The following ADAM2 variants were observed in gnomAD, a reference collection of about 807,000 sequenced individuals.
ADAM2 encodes ADAM metallopeptidase domain 2, also known as disintegrin and metalloproteinase domain-containing protein 2.
ADAM2 carries 101 observed loss-of-function variants against 99.3 expected under a neutral mutation model. The observed-to-expected ratio is 1.02, with a 90% CI of 0.87 to 1.20. The LOEUF is 1.20. Ranked by LOEUF, ADAM2 falls within the 50% of genes most tolerant of loss-of-function variation. ADAM2 has a pLI of 0.00. For missense variants in ADAM2, 948 were observed against 878.7 expected, an observed-to-expected ratio of 1.08 and a Z score of -1.00; for synonymous variants, 323 against 287.6, an observed-to-expected ratio of 1.12 and a Z score of -1.25.
intron 18 of ADAM2, among the ~76,000 whole-genome samples, chr8:39,747,512 A>G (rs1250408114): frequency 6.6e-6 from 1 of 152,138 alleles, no homozygotes; most frequent in African/African-American, 2.4e-5. Context: ...AGATATATCA[A>G]CTTAAGTTTT....
intron 7 of ADAM2, among the ~76,000 whole-genome samples, chr8:39,793,065 C>T (rs1480346885): frequency 6.6e-6 from 1 of 152,076 alleles, no homozygotes; most frequent in Non-Finnish European, 1.5e-5. Flanking sequence ...GGACTAAAAT[C>T]ATAGAAACTC....
Position 39,767,010 on chromosome 8 carries a change from A to C in ADAM2, c.1345T>G (p.Phe449Val). 1 of 1,614,162 alleles carries C rather than the reference A, an allele frequency of 6.2e-7. No individual in the cohort carries two copies. Among genetic ancestry groups the C allele is most frequent in the African/African-American group, 1.3e-5 (1 of 75,042 alleles). Reference protein sequence around the residue: ...MSKERMCRPSFEECDLPEYCN... With the variant: ...MSKERMCRPSVEECDLPEYCN... ...TATTCAGGGAGGTCGCATTCTTCAAAGGAAGGCCTACACATTCTTTCTTTT... is the reference window on the plus strand; with the variant it reads ...TATTCAGGGAGGTCGCATTCTTCAACGGAAGGCCTACACATTCTTTCTTTT... The change falls in exon 14 of 21, where the codon TTT becomes GTT. Residue 449 changes from phenylalanine to valine, a missense_variant. Transcript: ENST00000265708.
At chr8:39,783,635 G>A (rs1167142190) in intron 10 of ADAM2, among the ~76,000 whole-genome samples, 2 of 152,032 alleles carry the variant, frequency 1.3e-5, no homozygotes, top group Non-Finnish European at 2.9e-5. Flanking sequence ...TGTAACCCTT[G>A]AATATATATG....
rs149128202 is a variant in ADAM2, at chr8:39,767,458, G to T, written c.1213-207C>A. 4.9e-3 allele frequency among the ~76,000 whole-genome samples: 751 copies of T among 152,248 alleles called. 3 individuals are homozygous for T. Among genetic ancestry groups the T allele is most frequent in the African/African-American group, 0.017 (716 of 41,562 alleles). Reference sequence around the variant, plus strand: ...TGCCAGACCATGTGTTGCTCATATTGCTATAATAGGTTTGGTTACACTGAT... The same window carrying T: ...TGCCAGACCATGTGTTGCTCATATTTCTATAATAGGTTTGGTTACACTGAT... On this transcript the variant is annotated intron_variant, in intron 12 of 20. Transcript: ENST00000265708.
chr8:39,805,025 A>G (rs1174229540), intron 7 of ADAM2, among the ~76,000 whole-genome samples: 1 of 152,196 alleles, frequency 6.6e-6, no homozygotes, highest in African/African-American at 2.4e-5. Context: ...AGGTTGGAAC[A>G]TTCAAGATCA....
chr8:39,825,763 G>T (rs62511207), intron 3 of ADAM2, among the ~76,000 whole-genome samples: 11,426 of 151,634 alleles, frequency 0.075, 475 homozygotes, highest in Non-Finnish European at 0.093. Context: ...CAATAGAAAA[G>T]GAAAAAAAAG....
At chr8:39,800,657 T>A (rs13274108) in intron 7 of ADAM2, among the ~76,000 whole-genome samples, 11 of 152,336 alleles carry the variant, frequency 7.2e-5, no homozygotes, top group African/African-American at 2.4e-4. Flanking sequence ...CTCCTTCTGA[T>A]ACTCCAATCA....
chr8:39,804,839 T>G (rs1233903260), intron 7 of ADAM2, among the ~76,000 whole-genome samples: 1 of 152,218 alleles, frequency 6.6e-6, no homozygotes, highest in East Asian at 1.9e-4. Flanking sequence ...TAGCTTTACA[T>G]GTCTTGCTTA....
intron 4 of ADAM2, among the ~76,000 whole-genome samples, chr8:39,822,628 G>A (rs974203399): frequency 6.6e-6 from 1 of 151,940 alleles, no homozygotes; most frequent in Non-Finnish European, 1.5e-5. Flanking sequence ...AGTTTACAAA[G>A]TTTCTTTCTA....
intron 15 of ADAM2, among the ~76,000 whole-genome samples, chr8:39,759,686 AG>A (rs1311858224): frequency 6.6e-6 from 1 of 152,214 alleles, no homozygotes. Context: ...AGAAGGGTAA[AG>A]CAACAGGAAA....
At chr8:39,809,831 C>A (rs1158182374) in intron 6 of ADAM2, among the ~76,000 whole-genome samples, 1 of 152,114 alleles carries the variant, frequency 6.6e-6, no homozygotes, top group African/African-American at 2.4e-5. Context: ...CAAAAACATG[C>A]CAAATTGTAA....
chr8:39,815,446 T>A (rs2129587547), intron 6 of ADAM2, among the ~76,000 whole-genome samples: 1 of 152,210 alleles, frequency 6.6e-6, no homozygotes, highest in East Asian at 1.9e-4. Flanking sequence ...ATGTTGGAAG[T>A]AGGTGGAGGA....
intron 2 of ADAM2, among the ~76,000 whole-genome samples, chr8:39,834,846 C>T (rs1033653072): frequency 6.7e-6 from 1 of 150,210 alleles, no homozygotes; most frequent in African/African-American, 2.4e-5. Context: ...CCTTCTATAC[C>T]TAAACTGTTA....
chr8:39,751,421 T>C (rs1801941673), intron 16 of ADAM2, among the ~76,000 whole-genome samples: 3 of 152,224 alleles, frequency 2.0e-5, no homozygotes, highest in African/African-American at 7.2e-5. Flanking sequence ...GGAAGGGTTG[T>C]TGGTATTACT....
chr8:39,809,616 A>G, intron 6 of ADAM2, 150 bp from the exon 7 acceptor site: 1 of 511,950 alleles, frequency 2.0e-6, no homozygotes. Flanking sequence ...TAGATATCAT[A>G]AAATCATTTT....
At chr8:39,808,413 G>C (rs1007499516) in intron 7 of ADAM2, among the ~76,000 whole-genome samples, 12 of 152,070 alleles carry the variant, frequency 7.9e-5, no homozygotes, top group Admixed American at 7.9e-4. Flanking sequence ...ATATTGCTGA[G>C]AGAAATCAAA....
chr8:39,803,692 G>A (rs772205510), intron 7 of ADAM2, among the ~76,000 whole-genome samples: 3 of 152,108 alleles, frequency 2.0e-5, no homozygotes, highest in South Asian at 2.1e-4. Flanking sequence ...AATTAATTTT[G>A]GGGATAGAAA....
At chr8:39,823,749 A>G (rs1310256888) in intron 4 of ADAM2, among the ~76,000 whole-genome samples, 1 of 151,866 alleles carries the variant, frequency 6.6e-6, no homozygotes, top group Non-Finnish European at 1.5e-5. Flanking sequence ...GTATAACACT[A>G]TGTAACAGTA....
intron 8 of ADAM2, 62 bp from the exon 9 acceptor site, chr8:39,788,313 AT>A (rs1426635283): frequency 9.4e-7 from 1 of 1,064,392 alleles, no homozygotes; most frequent in African/African-American, 1.7e-5. Flanking sequence ...TTAGATATAT[AT>A]GTTTGAAAAC....
Sources: allele counts gnomAD v4.1 joint callset (sites outside exome capture counted in the v4.1 genomes callset), GRCh38; gene constraint gnomAD v4.1.1; transcripts MANE v1.5; gene names NCBI Gene and HGNC (gene_info 2026-07-23, HGNC 2026-07-21).